Variants in SNX6 observed in about 807,000 individuals in gnomAD.
SNX6 encodes the protein sorting nexin 6, also known as sorting nexin-6.
A neutral mutation model predicts 63.0 loss-of-function variants in SNX6; 34 were observed. The ratio of observed to expected loss-of-function variants is 0.54; its 90% CI spans 0.41 to 0.72. SNX6 has a LOEUF of 0.72. SNX6 is among the 30% of genes least tolerant of loss of function. The pLI is 0.00. For missense variants in SNX6, 398 were observed against 471.4 expected (o/e 0.84, Z 1.44); for synonymous variants, 170 against 164.2 (o/e 1.04, Z -0.27).
intron 13 of SNX6, among the ~76,000 whole-genome samples, chr14:34,565,607 C>T (rs1881143394): frequency 1.3e-5 from 2 of 152,168 alleles, no homozygotes; most frequent in South Asian, 4.1e-4. Flanking sequence ...ACCTCCGCCT[C>T]CCGGGTTCGA....
chr14:34,566,120 A>G (rs1291309562), intron 13 of SNX6, among the ~76,000 whole-genome samples: 1 of 152,258 alleles, frequency 6.6e-6, no homozygotes, highest in East Asian at 1.9e-4. Context: ...AAGAAAAACA[A>G]TGAACATTAG....
At chr14:34,592,866 T>A (rs1413194206) in intron 8 of SNX6, among the ~76,000 whole-genome samples, 179 bp downstream of exon 8, 1 of 152,358 alleles carries the variant, frequency 6.6e-6, no homozygotes, top group East Asian at 1.9e-4. Flanking sequence ...CGTGAGCCAC[T>A]GTGCCCAGCT....
chr14:34,614,046 G>A (rs1883330798), intron 2 of SNX6, among the ~76,000 whole-genome samples: 1 of 151,918 alleles, frequency 6.6e-6, no homozygotes, highest in Admixed American at 6.6e-5. Context: ...GGCGGAAGTT[G>A]CAGTGAGGTG....
At chr14:34,627,533 A>C (rs967860288) in intron 2 of SNX6, among the ~76,000 whole-genome samples, 1 of 152,102 alleles carries the variant, frequency 6.6e-6, no homozygotes, top group South Asian at 2.1e-4. Flanking sequence ...CTGGAGTGCA[A>C]TGGTGCAATC....
chr14:34,604,437 T>C (rs575228741), intron 5 of SNX6, among the ~76,000 whole-genome samples: 109 of 152,300 alleles, frequency 7.2e-4, no homozygotes, highest in African/African-American at 2.5e-3. Flanking sequence ...TGATTTATCT[T>C]TTCAAGAGTT....
At chr14:34,628,960 G>C (rs1883931835) in intron 2 of SNX6, among the ~76,000 whole-genome samples, 1 of 152,012 alleles carries the variant, frequency 6.6e-6, no homozygotes, top group East Asian at 1.9e-4. Flanking sequence ...TGGGAGGGAG[G>C]AATCAGAGCC....
rs575976932 is a variant in SNX6 at position 34,572,806 on chromosome 14, G to A, written c.921+2950C>T. 5.9e-5 allele frequency among the ~76,000 whole-genome samples: 9 copies of A among 151,466 alleles called. No homozygotes were observed. In the East Asian group the frequency reaches 1.2e-3, roughly 20 times the overall value. On this transcript the variant is annotated intron_variant, in intron 11 of 13. Transcript: ENST00000362031. Reference sequence around the variant, plus strand: ...TGCCATTCTCCTGCCTCAGCCTCCCGACTAGCTGGGACTACAGGCACCCAC... The same window carrying A: ...TGCCATTCTCCTGCCTCAGCCTCCCAACTAGCTGGGACTACAGGCACCCAC...
chr14:34,584,644 G>GA (rs1882076401), intron 9 of SNX6, among the ~76,000 whole-genome samples: 1 of 151,730 alleles, frequency 6.6e-6, no homozygotes, highest in Non-Finnish European at 1.5e-5. Flanking sequence ...TTATTTATAA[G>GA]CTTTATCAAA....
At chr14:34,576,452 ATTTTTTTT>A (rs761952812) in intron 10 of SNX6, among the ~76,000 whole-genome samples, 6 of 63,198 alleles carry the variant, frequency 9.5e-5, no homozygotes, top group Admixed American at 1.9e-4. Flanking sequence ...ATATATATAT[ATTTTTTTT>A]TTTTTTGAGA....
intron 6 of SNX6, among the ~76,000 whole-genome samples, 197 bp downstream of exon 6, chr14:34,603,151 G>A (rs1280206292): frequency 1.3e-5 from 2 of 151,132 alleles, no homozygotes; most frequent in Admixed American, 1.3e-4. Flanking sequence ...GGTGGCAGGC[G>A]CCTGTAGTCC....
intron 2 of SNX6, among the ~76,000 whole-genome samples, chr14:34,618,440 T>C (rs562884363): frequency 1.7e-3 from 266 of 152,246 alleles, no homozygotes; most frequent in African/African-American, 6.1e-3. Context: ...AACCTCTGCC[T>C]TTCTGATTCA....
chr14:34,608,784 T>C (rs932973479), intron 3 of SNX6, among the ~76,000 whole-genome samples: 1 of 152,196 alleles, frequency 6.6e-6, no homozygotes, highest in African/African-American at 2.4e-5. Context: ...TCCTAGCACT[T>C]TGGAAGGCCG....
At chr14:34,605,133 A>G (rs990368148) in intron 5 of SNX6, among the ~76,000 whole-genome samples, 1 of 152,318 alleles carries the variant, frequency 6.6e-6, no homozygotes, top group Admixed American at 6.5e-5. Flanking sequence ...GAATATATGC[A>G]GTTGCTCAGT....
In SNX6 at chr14:34,573,211, C is replaced by G. The variant is rs559963259; in HGVS notation, c.921+2545G>C. Among the ~76,000 whole-genome samples, 29 of 152,198 alleles carry G rather than the reference C, an allele frequency of 1.9e-4. No individual in the cohort carries two copies. In the East Asian group the frequency reaches 5.6e-3, roughly 29 times the overall value. ...TAGGCTGGTCTTGAACTCCTGGCCT[C>G]ATGTGATTTTCCCACACTGGCCTCC... On this transcript the variant is annotated intron_variant, in intron 11 of 13. Transcript: ENST00000362031.
At chr14:34,575,250 G>C (rs1194411285) in intron 11 of SNX6, among the ~76,000 whole-genome samples, 1 of 145,202 alleles carries the variant, frequency 6.9e-6, no homozygotes, top group Non-Finnish European at 1.5e-5. Context: ...CCAGGCTGGA[G>C]TGCAATGGCA....
At chr14:34,589,151 A>G (rs973431343) in intron 8 of SNX6, among the ~76,000 whole-genome samples, 1 of 152,026 alleles carries the variant, frequency 6.6e-6, no homozygotes, top group Non-Finnish European at 1.5e-5. Flanking sequence ...AATAAAAGGA[A>G]AAAGAAAATA....
At chr14:34,620,022 C>T (rs1319219636) in intron 2 of SNX6, among the ~76,000 whole-genome samples, 2 of 152,062 alleles carry the variant, frequency 1.3e-5, no homozygotes, top group African/African-American at 2.4e-5. Flanking sequence ...TCAATATAAT[C>T]GTCAACTTTT....
chr14:34,597,244 T>C (rs1423197040), intron 7 of SNX6, among the ~76,000 whole-genome samples: 1 of 152,088 alleles, frequency 6.6e-6, no homozygotes, highest in Non-Finnish European at 1.5e-5. Context: ...ATATAGGAAC[T>C]GCAAGGCTTG....
At chr14:34,577,644 A>T (rs1185420273) in intron 10 of SNX6, among the ~76,000 whole-genome samples, 4 of 152,146 alleles carry the variant, frequency 2.6e-5, no homozygotes, top group Admixed American at 6.6e-5. Context: ...GAGGATGAAA[A>T]GAAATTTATT....
Sources: gnomAD v4.1 joint callset for allele counts (sites outside exome capture counted in the v4.1 genomes callset) on GRCh38, gnomAD v4.1.1 for gene constraint, MANE v1.5 for transcripts, NCBI Gene and HGNC (gene_info 2026-07-23, HGNC 2026-07-21) for gene names.